The following SOX5 variants were observed in gnomAD, a reference collection of about 807,000 sequenced individuals.
SOX5 encodes SRY-box transcription factor 5.
SOX5 carries 9 observed loss-of-function variants against 92.0 expected under a neutral mutation model. The ratio of observed to expected loss-of-function variants is 0.10; its 90% CI spans 0.06 to 0.17. SOX5 has a LOEUF of 0.17. SOX5 is among the 10% of genes least tolerant of loss of function. The pLI is 1.00. For synonymous variants in SOX5, 344 were observed against 336.3 expected (o/e 1.02, Z -0.25); for missense variants, 642 against 944.5 (o/e 0.68, Z 4.20).
intron 2 of SOX5, among the ~76,000 whole-genome samples, chr12:24,292,220 T>A (rs1215596303): frequency 1.3e-5 from 2 of 152,202 alleles, no homozygotes; most frequent in African/African-American, 2.4e-5. Flanking sequence ...AGGGTCAGAA[T>A]CACTGACATC....
intron 2 of SOX5, among the ~76,000 whole-genome samples, chr12:24,326,759 G>C (rs1202406077): frequency 1.6e-5 from 2 of 124,014 alleles, no homozygotes; most frequent in African/African-American, 2.9e-5. Flanking sequence ...TGTTTGTACA[G>C]GTCTACCCAC....
intron 11 of SOX5, among the ~76,000 whole-genome samples, chr12:23,556,827 G>A (rs945316114): frequency 6.6e-6 from 1 of 152,114 alleles, no homozygotes; most frequent in African/African-American, 2.4e-5. Context: ...CTTATCTAAG[G>A]GAAGGAGCAT....
chr12:23,572,278 CT>C (rs1948488607), intron 10 of SOX5, among the ~76,000 whole-genome samples: 4 of 152,206 alleles, frequency 2.6e-5, no homozygotes. Flanking sequence ...ATTAATTCTT[CT>C]TTCAGGAGTG....
intron 3 of SOX5, among the ~76,000 whole-genome samples, chr12:23,787,842 C>A (rs1434996941): frequency 6.6e-6 from 1 of 151,702 alleles, no homozygotes; most frequent in Admixed American, 6.6e-5. Flanking sequence ...GTTACAGGCT[C>A]AATGCTCATA....
chr12:24,423,803 G>A (rs945787076), intron 1 of SOX5, among the ~76,000 whole-genome samples: 1 of 152,164 alleles, frequency 6.6e-6, no homozygotes, highest in African/African-American at 2.4e-5. Flanking sequence ...GAGGACAAAT[G>A]GAATCACTTC....
chr12:24,131,073 A>G (rs921097586), intron 4 of SOX5, among the ~76,000 whole-genome samples: 8 of 152,202 alleles, frequency 5.3e-5, no homozygotes, highest in Non-Finnish European at 8.8e-5. Flanking sequence ...TTCAACTCCA[A>G]TGATAGCTCA....
intron 3 of SOX5, among the ~76,000 whole-genome samples, chr12:23,825,762 T>C (rs1290428055): frequency 6.6e-6 from 1 of 152,176 alleles, no homozygotes; most frequent in Non-Finnish European, 1.5e-5. Context: ...GCAATTTAGA[T>C]AGAACATTTC....
chr12:23,707,753 G>A (rs917154734), intron 6 of SOX5, among the ~76,000 whole-genome samples: 6 of 151,990 alleles, frequency 3.9e-5, no homozygotes, highest in African/African-American at 1.4e-4. Context: ...TGTGACTAGG[G>A]TTTCAAAATA....
chr12:23,681,434 T>C (rs964987872), intron 6 of SOX5, among the ~76,000 whole-genome samples: 1 of 151,828 alleles, frequency 6.6e-6, no homozygotes, highest in East Asian at 1.9e-4. Context: ...TGGAGTAAGC[T>C]CATCAGTTAA....
At chr12:23,782,285 G>A (rs368654530) in intron 3 of SOX5, among the ~76,000 whole-genome samples, 2 of 152,192 alleles carry the variant, frequency 1.3e-5, no homozygotes, top group African/African-American at 4.8e-5. Context: ...TGGACAATGA[G>A]AATACGTGTG....
chr12:24,029,969 T>A (rs779207587), intron 4 of SOX5, among the ~76,000 whole-genome samples: 17 of 151,944 alleles, frequency 1.1e-4, no homozygotes, highest in Non-Finnish European at 1.3e-4. Context: ...GCTTCATGTG[T>A]ATTAATACCT....
intron 3 of SOX5, among the ~76,000 whole-genome samples, chr12:24,274,263 C>T (rs1259070623): frequency 6.6e-6 from 1 of 152,028 alleles, no homozygotes; most frequent in African/African-American, 2.4e-5. Context: ...ATTGTTCTAT[C>T]AATTATTTCT....
At chr12:24,074,654 G>C (rs1182322096) in intron 4 of SOX5, among the ~76,000 whole-genome samples, 1 of 38,928 alleles carries the variant, frequency 2.6e-5, no homozygotes, top group Non-Finnish European at 6.3e-5. Context: ...AAAAAAAAAA[G>C]CTCAATATTC....
chr12:23,844,159 G>A (rs1242070063), intron 3 of SOX5, among the ~76,000 whole-genome samples: 1 of 152,242 alleles, frequency 6.6e-6, no homozygotes, highest in Non-Finnish European at 1.5e-5. Context: ...GTACTGTGGA[G>A]TATCATTGTT....
chr12:23,963,807 A>G (rs1353055556), intron 4 of SOX5, among the ~76,000 whole-genome samples: 1 of 151,566 alleles, frequency 6.6e-6, no homozygotes, highest in Non-Finnish European at 1.5e-5. Context: ...TATTCCATAC[A>G]ATGGATAGCT....
At chr12:24,078,656 G>A (rs1942947701) in intron 4 of SOX5, among the ~76,000 whole-genome samples, 2 of 152,126 alleles carry the variant, frequency 1.3e-5, no homozygotes, top group Admixed American at 1.3e-4. Context: ...GGAGAACTCT[G>A]TGATACACTG....
intron 1 of SOX5, among the ~76,000 whole-genome samples, chr12:24,409,474 T>A (rs906848437): frequency 6.6e-6 from 1 of 152,308 alleles, no homozygotes; most frequent in Admixed American, 6.5e-5. Context: ...TAATTTTTTT[T>A]AAAGTTTGAG....
At chr12:24,145,490 T>A (rs1373654369) in intron 4 of SOX5, among the ~76,000 whole-genome samples, 1 of 152,100 alleles carries the variant, frequency 6.6e-6, no homozygotes, top group African/African-American at 2.4e-5. Flanking sequence ...AAAAAAGATA[T>A]AACACAATAA....
At chr12:23,812,723 A>G (rs891668667) in intron 3 of SOX5, among the ~76,000 whole-genome samples, 5 of 152,170 alleles carry the variant, frequency 3.3e-5, no homozygotes, top group Non-Finnish European at 5.9e-5. Context: ...CATACTTTAA[A>G]GCCTGAAATA....
Sources: allele counts gnomAD v4.1 joint callset (sites outside exome capture counted in the v4.1 genomes callset), GRCh38; gene constraint gnomAD v4.1.1; transcripts MANE v1.5; gene names NCBI Gene and HGNC (gene_info 2026-07-23, HGNC 2026-07-21).